The following SSH2 variants were observed in gnomAD, a reference collection of about 807,000 sequenced individuals.
SSH2 encodes the protein protein phosphatase Slingshot homolog 2.
SSH2 carries 37 observed loss-of-function variants against 135.2 expected under a neutral mutation model. The ratio of observed to expected loss-of-function variants is 0.27; its 90% CI spans 0.21 to 0.36. The LOEUF is 0.36. Ranked by LOEUF, SSH2 falls within the 10% of genes least tolerant of loss-of-function variation. The probability of loss-of-function intolerance (pLI) is 1.00; values close to 1 mark genes in which losing one functional copy is unlikely to be tolerated. For missense variants in SSH2, 1,408 were observed against 1,765.3 expected, an observed-to-expected ratio of 0.80 and a Z score of 3.63; for synonymous variants, 628 against 646.2, an observed-to-expected ratio of 0.97 and a Z score of 0.43.
At chr17:29,632,996 C>T in intron 15 of SSH2, 65 bp from the exon 16 acceptor site, 1 of 1,424,432 alleles carries the variant, frequency 7.0e-7, no homozygotes, top group Non-Finnish European at 9.6e-7. Context: ...GCTGGATTTT[C>T]TGCTTATTAA....
intron 3 of SSH2, among the ~76,000 whole-genome samples, chr17:29,745,563 C>T (rs996212026): frequency 1.3e-5 from 2 of 152,168 alleles, no homozygotes; most frequent in African/African-American, 2.4e-5. Context: ...CCTTCATTGA[C>T]GTCTTATTTC....
intron 1 of SSH2, among the ~76,000 whole-genome samples, chr17:29,850,001 G>A (rs2151388899): frequency 7.3e-6 from 1 of 137,114 alleles, no homozygotes; most frequent in East Asian, 2.1e-4. Flanking sequence ...TTGCACTCCA[G>A]CCTGGGTGAC....
At chr17:29,671,812 A>T in intron 9 of SSH2, 123 bp downstream of exon 9, 1 of 821,384 alleles carries the variant, frequency 1.2e-6, no homozygotes, top group Non-Finnish European at 1.9e-6. Flanking sequence ...TGCTATTCAC[A>T]ATGACTAATA....
At chr17:29,674,445 A>C (rs1353029202) in intron 8 of SSH2, among the ~76,000 whole-genome samples, 1 of 152,210 alleles carries the variant, frequency 6.6e-6, no homozygotes, top group Non-Finnish European at 1.5e-5. Flanking sequence ...CATATGCCAC[A>C]GAGTCTGGTG....
At chr17:29,739,789 G>A (rs1314409494) in intron 3 of SSH2, among the ~76,000 whole-genome samples, 1 of 152,012 alleles carries the variant, frequency 6.6e-6, no homozygotes, top group Non-Finnish European at 1.5e-5. Context: ...GTTTACCTTT[G>A]GTTTTTTTAT....
chr17:29,815,588 T>C (rs532067477), intron 2 of SSH2, among the ~76,000 whole-genome samples: 1 of 152,322 alleles, frequency 6.6e-6, no homozygotes, highest in Admixed American at 6.5e-5. Context: ...AGATGTCTTA[T>C]GAGGTATTAG....
chr17:29,874,073 G>A lies in SSH2; in HGVS notation c.64-25144C>T, dbSNP rs552635697. 8.6e-4 allele frequency among the ~76,000 whole-genome samples: 131 copies of A among 152,128 alleles called. No homozygotes were observed. The Middle Eastern group carries it at 0.017, about 20-fold the overall frequency. On this transcript the variant is annotated intron_variant, in intron 1 of 15. Coordinates refer to ENST00000540801, the MANE Select transcript of SSH2 (RefSeq NM_001282129.2). ...TTCGGGAGGCTGAGGTGGGTGGATC[G>A]GATAAGCTCAGGAGTTTGAGACTAG...
chr17:29,923,713 G>A (rs2067016284), intron 1 of SSH2, among the ~76,000 whole-genome samples: 2 of 151,846 alleles, frequency 1.3e-5, no homozygotes, highest in Admixed American at 1.3e-4. Context: ...TAAAACTACT[G>A]AATGGAGCCG....
chr17:29,720,010 T>C (rs2039767831), intron 3 of SSH2, among the ~76,000 whole-genome samples: 1 of 152,184 alleles, frequency 6.6e-6, no homozygotes, highest in Non-Finnish European at 1.5e-5. Flanking sequence ...TCACCTGCCT[T>C]GGCCTACTAA....
At chr17:29,718,729 C>A (rs1343209819) in intron 3 of SSH2, among the ~76,000 whole-genome samples, 1 of 103,470 alleles carries the variant, frequency 9.7e-6, no homozygotes, top group Admixed American at 1.1e-4. Context: ...CAAGATTTCA[C>A]CTCAAAAAAA....
chr17:29,778,908 C>G (rs913942279), intron 3 of SSH2, among the ~76,000 whole-genome samples: 2 of 139,014 alleles, frequency 1.4e-5, no homozygotes, highest in Non-Finnish European at 3.1e-5. Flanking sequence ...ACTAAATAAT[C>G]ATTTGAGTTT....
At chr17:29,926,326 C>A (rs570873708) in intron 1 of SSH2, among the ~76,000 whole-genome samples, 1 of 151,614 alleles carries the variant, frequency 6.6e-6, no homozygotes, top group African/African-American at 2.4e-5. Flanking sequence ...ACGGCTTGAG[C>A]CCAGGAGTTT....
chr17:29,763,471 T>G (rs1481917989), intron 3 of SSH2, among the ~76,000 whole-genome samples: 1 of 151,562 alleles, frequency 6.6e-6, no homozygotes, highest in Non-Finnish European at 1.5e-5. Context: ...CAGACTGTAA[T>G]TTATTACAGC....
chr17:29,863,175 C>A (rs1021703833), intron 1 of SSH2, among the ~76,000 whole-genome samples: 2 of 152,026 alleles, frequency 1.3e-5, no homozygotes, highest in South Asian at 2.1e-4. Flanking sequence ...TTAACAACAA[C>A]AACAAAAAAA....
chr17:29,798,296 T>C (rs971896080), intron 2 of SSH2, among the ~76,000 whole-genome samples: 4 of 151,944 alleles, frequency 2.6e-5, no homozygotes, highest in African/African-American at 9.7e-5. Flanking sequence ...GCAGCTGAGA[T>C]TACAGGCGTG....
At chr17:29,639,555 C>T (rs1042226865) in intron 14 of SSH2, 2 of 152,454 alleles carry the variant, frequency 1.3e-5, no homozygotes, top group African/African-American at 2.4e-5. Context: ...TTGGGTGGGG[C>T]TCTCTCTGAC....
At chr17:29,719,336 A>G (rs1204038095) in intron 3 of SSH2, among the ~76,000 whole-genome samples, 1 of 152,108 alleles carries the variant, frequency 6.6e-6, no homozygotes, top group East Asian at 1.9e-4. Flanking sequence ...GGCTTTGAGC[A>G]CTGTGAAATA....
intron 3 of SSH2, among the ~76,000 whole-genome samples, chr17:29,756,494 CCT>C (rs1369895840): frequency 6.9e-6 from 1 of 145,734 alleles, no homozygotes; most frequent in Non-Finnish European, 1.5e-5. Flanking sequence ...ACCCATCCAT[CCT>C]CTCTCTTATC....
At position 29,788,840 on chromosome 17, in the gene SSH2, C is replaced by T. The variant is rs2151298817; in HGVS notation, c.188+5054G>A. Among the ~76,000 whole-genome samples the T allele has an allele frequency of 2.0e-5, 3 of 152,242 alleles. No homozygotes were observed. The East Asian group carries it at 5.8e-4, about 29-fold the overall frequency. ...AGCCAAGATTGCCATGAAGGGATTG[C>T]TAAAGGCAATTCTGGTGAGTGCTCA... On this transcript the variant is annotated intron_variant, in intron 3 of 15. Transcript: ENST00000540801.
Sources: gnomAD v4.1 joint callset for allele counts (sites outside exome capture counted in the v4.1 genomes callset) on GRCh38, gnomAD v4.1.1 for gene constraint, MANE v1.5 for transcripts, NCBI Gene and HGNC (gene_info 2026-07-23, HGNC 2026-07-21) for gene names.